COPS5: variants seen among roughly 807,000 people sequenced by gnomAD.
COPS5 encodes the protein COP9 signalosome complex subunit 5.
A neutral mutation model predicts 44.4 loss-of-function variants in COPS5; 8 were observed. The ratio of observed to expected loss-of-function variants is 0.18; its 90% CI spans 0.11 to 0.32. COPS5 has a LOEUF of 0.32. Ranked by LOEUF, COPS5 falls within the 10% of genes least tolerant of loss-of-function variation. The probability of loss-of-function intolerance (pLI) is 1.00; values close to 1 mark genes in which losing one functional copy is unlikely to be tolerated. For missense variants in COPS5, 159 were observed against 406.4 expected, an observed-to-expected ratio of 0.39 and a Z score of 5.23; for synonymous variants, 122 against 142.8, an observed-to-expected ratio of 0.85 and a Z score of 1.04.
chr8:67,058,955 G>T (rs1804548673), intron 2 of COPS5, among the ~76,000 whole-genome samples: 1 of 150,682 alleles, frequency 6.6e-6, no homozygotes, highest in Non-Finnish European at 1.5e-5. Flanking sequence ...AGTGAGCTGA[G>T]ATCACGCCAC....
At position 67,059,192 on chromosome 8, in the gene COPS5, T is replaced by C. The variant is rs571337077; in HGVS notation, c.378+19A>G. 2 of 1,593,154 alleles carry C rather than the reference T, an allele frequency of 1.3e-6. No individual in the cohort carries two copies. Among genetic ancestry groups the C allele is most frequent in the Non-Finnish European group, 1.7e-6 (2 of 1,161,526 alleles). ...ACTCTAACTTGCAATTACTAAACTA[T>C]AAGAAACAACATTTTTACCTGTTTT... is the stretch of plus-strand genomic sequence containing the variant. On this transcript the variant is annotated intron_variant, in intron 2 of 7. Transcript: ENST00000357849.
intron 5 of COPS5, among the ~76,000 whole-genome samples, chr8:67,051,657 A>G (rs1427592107): frequency 6.6e-6 from 1 of 152,228 alleles, no homozygotes; most frequent in African/African-American, 2.4e-5. Flanking sequence ...TCAAGCCAAC[A>G]GCACATAAAC....
chr8:67,055,251 T>G (rs1261311135), intron 5 of COPS5, among the ~76,000 whole-genome samples: 1 of 152,078 alleles, frequency 6.6e-6, no homozygotes, highest in Admixed American at 6.5e-5. Context: ...CACACAGAGG[T>G]GTGCAGTCTG....
chr8:67,046,834 A>C (rs1172998707), intron 6 of COPS5, among the ~76,000 whole-genome samples: 1 of 150,732 alleles, frequency 6.6e-6, no homozygotes, highest in Non-Finnish European at 1.5e-5. Context: ...CAAAAAAAAA[A>C]AAAAAAAAAA....
At chr8:67,057,505 A>G (rs1563447616) in intron 3 of COPS5, 60 bp from the exon 4 acceptor site, 3 of 1,169,422 alleles carry the variant, frequency 2.6e-6, no homozygotes, top group Non-Finnish European at 3.8e-6. Flanking sequence ...TTATTTAAAC[A>G]TTATAAACCT....
intron 6 of COPS5, among the ~76,000 whole-genome samples, chr8:67,047,140 G>C (rs1241370030): frequency 6.6e-6 from 1 of 152,080 alleles, no homozygotes; most frequent in African/African-American, 2.4e-5. Context: ...TTCAATAGAA[G>C]AGTATGAAGA....
intron 5 of COPS5, among the ~76,000 whole-genome samples, chr8:67,054,004 T>A (rs1481438946): frequency 2.2e-3 from 280 of 128,710 alleles, no homozygotes; most frequent in African/African-American, 7.6e-3. Context: ...AGACTCCATT[T>A]AAAAAAAAAA....
chr8:67,047,786 C>A, intron 6 of COPS5: 1 of 702,462 alleles, frequency 1.4e-6, no homozygotes, highest in South Asian at 1.5e-5. Context: ...AAGGTTCAGA[C>A]TGTTCTGGTC....
In COPS5 at chr8:67,059,432, T is replaced by C. The variant is rs778376302; in HGVS notation, c.157A>G (p.Lys53Glu). The part of the protein sequence containing the change: ...KPWTKDHHYF[K>E]YCKISALALL... ...GCCAATGCTGAGATTTTGCAGTACT[T>C]AAAGTAATGGTGACTGCAAAACAAA... The change falls in exon 2 of 8, where the codon AAG (lysine) becomes GAG (glutamate). Residue 53 changes from lysine to glutamate, a missense_variant. Lys to Glu is a moderately conservative substitution (Grantham distance 56). Coordinates refer to ENST00000357849, the MANE Select transcript of COPS5 (RefSeq NM_006837.3). 1 of 1,612,368 alleles carries C rather than the reference T, an allele frequency of 6.2e-7. No homozygotes were observed. The highest frequency in any genetic ancestry group is 1.1e-5 in the South Asian group (1 of 91,040).
intron 6 of COPS5, among the ~76,000 whole-genome samples, chr8:67,047,073 A>C (rs943710499): frequency 6.6e-6 from 1 of 152,124 alleles, no homozygotes; most frequent in Non-Finnish European, 1.5e-5. Context: ...TGCAGTCTAA[A>C]ACACAAAAAA....
chr8:67,056,653 ATATATATATATATATATATATATATAT>A lies in COPS5; in HGVS notation c.574-76_574-50del, dbSNP rs1227260150. 15 of 20,754 alleles carry A rather than the reference ATATATATATATATATATATATATATAT, an allele frequency of 7.2e-4. 1 individual carries two copies. Among genetic ancestry groups the A allele is most frequent in the South Asian group, 1.9e-3 (1 of 530 alleles). The allele number at this position is 20,754 out of a possible 1,614,324, so 1.3% of individuals were successfully genotyped here. A position where few individuals can be genotyped will look rare whatever the true frequency, so the allele number is the denominator to read the frequency against. ...AAGATTAAGAAAAAAAAAAAAAAAA[ATATATATATATATATATATATATATAT>A]ATATATATATATATATATATATATA... On this transcript the variant is annotated intron_variant, in intron 4 of 7. Transcript: ENST00000357849.
intron 4 of COPS5, 42 bp from the exon 5 acceptor site, chr8:67,056,646 AAAAAAAATATATAT>A (rs1473329130): frequency 7.3e-5 from 7 of 96,338 alleles, no homozygotes; most frequent in East Asian, 2.7e-4. Context: ...GAAAAAAAAA[AAAAAAAATATATAT>A]ATATATATAT....
Position 67,048,503 on chromosome 8 carries a change from T to G in COPS5, c.772-2543A>C, listed in dbSNP as rs976558378. 2.7e-5 allele frequency among the ~76,000 whole-genome samples: 4 copies of G among 150,348 alleles called. No individual in the cohort carries two copies. The South Asian group carries it at 8.4e-4, about 32-fold the overall frequency. On this transcript the variant is annotated intron_variant, in intron 6 of 7. Coordinates refer to ENST00000357849, the MANE Select transcript of COPS5 (RefSeq NM_006837.3). ...AGGCTGAGGCGGGTGGATCACGAGG[T>G]CAGGAGTTCAAGACCAGCCTGGCCA...
At chr8:67,057,484 CTGTA>C in intron 3 of COPS5, 39 bp from the exon 4 acceptor site, 1 of 1,353,714 alleles carries the variant, frequency 7.4e-7, no homozygotes, top group South Asian at 1.2e-5. Flanking sequence ...TGATATAAAA[CTGTA>C]TGCCTTTTAT....
chr8:67,046,019 T>C, intron 6 of COPS5, 59 bp from the exon 7 acceptor site: 2 of 1,481,006 alleles, frequency 1.4e-6, no homozygotes, highest in Non-Finnish European at 1.9e-6. Context: ...TAAAAATCTG[T>C]ATATTTTAAT....
intron 6 of COPS5, among the ~76,000 whole-genome samples, chr8:67,046,738 G>A (rs568205764): frequency 5.7e-4 from 83 of 146,598 alleles, no homozygotes; most frequent in Non-Finnish European, 1.1e-3. Context: ...CAGGAGAATC[G>A]CTTGAACCCA....
chr8:67,055,402 C>A (rs563137696), intron 5 of COPS5, among the ~76,000 whole-genome samples: 1 of 152,146 alleles, frequency 6.6e-6, no homozygotes, highest in South Asian at 2.1e-4. Context: ...TAGAAAGACT[C>A]GCCGGAAGGC....
intron 7 of COPS5, chr8:67,044,594 C>A (rs1180681712): frequency 1.3e-5 from 2 of 151,482 alleles, no homozygotes; most frequent in Non-Finnish European, 2.9e-5. Context: ...ATTCAAATTT[C>A]TTTTCTTTCT....
chr8:67,059,712 C>T, intron 1 of COPS5: 1 of 367,970 alleles, frequency 2.7e-6, no homozygotes, highest in South Asian at 3.2e-5. Context: ...GTAACATGAC[C>T]AGTTCAACAG....
Sources: gnomAD v4.1 joint callset for allele counts (sites outside exome capture counted in the v4.1 genomes callset) on GRCh38, gnomAD v4.1.1 for gene constraint, MANE v1.5 for transcripts, NCBI Gene and HGNC (gene_info 2026-07-23, HGNC 2026-07-21) for gene names.